The following NXPH1 variants were observed in gnomAD, a reference collection of about 807,000 sequenced individuals.
NXPH1 encodes neurexophilin 1.
In NXPH1, 5 loss-of-function variants were observed where a neutral mutation model predicts 23.7. The ratio of observed to expected loss-of-function variants is 0.21; its 90% confidence interval spans 0.11 to 0.44. The LOEUF (loss-of-function observed/expected upper bound fraction) is 0.44. NXPH1 is among the 20% of genes least tolerant of loss of function. The probability of loss-of-function intolerance (pLI) is 0.99; values close to 1 mark genes in which losing one functional copy is unlikely to be tolerated. For synonymous variants in NXPH1, 144 were observed against 122.2 expected, an observed-to-expected ratio of 1.18 and a Z score of -1.18; for missense variants, 324 against 321.6, an observed-to-expected ratio of 1.01 and a Z score of -0.06.
At chr7:8,482,953 A>G (rs1242939068) in intron 2 of NXPH1, among the ~76,000 whole-genome samples, 1 of 152,230 alleles carries the variant, frequency 6.6e-6, no homozygotes, top group African/African-American at 2.4e-5. Flanking sequence ...TAAACGAAAT[A>G]TCTTCTCTAA....
chr7:8,568,328 T>C (rs1378000265), intron 2 of NXPH1, among the ~76,000 whole-genome samples: 3 of 151,958 alleles, frequency 2.0e-5, no homozygotes, highest in African/African-American at 4.8e-5. Flanking sequence ...GTATTTTCTT[T>C]AGCTACATTC....
At chr7:8,617,475 T>A (rs911014222) in intron 2 of NXPH1, among the ~76,000 whole-genome samples, 7 of 151,914 alleles carry the variant, frequency 4.6e-5, no homozygotes, top group African/African-American at 1.7e-4. Flanking sequence ...TATTCAGCCA[T>A]AAAAAAGAAG....
intron 2 of NXPH1, among the ~76,000 whole-genome samples, chr7:8,542,523 G>T (rs1425037746): frequency 1.3e-5 from 2 of 151,596 alleles, no homozygotes; most frequent in African/African-American, 4.8e-5. Flanking sequence ...AGAATATACA[G>T]TGTTTTCAAA....
At position 8,516,233 on chromosome 7, in the gene NXPH1, T is replaced by C. The variant is rs568200612; in HGVS notation, c.54+80466T>C. Among the ~76,000 whole-genome samples, 13 of 152,246 alleles carry C rather than the reference T, an allele frequency of 8.5e-5. No homozygotes were observed. In the East Asian group the frequency reaches 2.5e-3, roughly 30 times the overall value. On this transcript the variant is annotated intron_variant, in intron 2 of 2. Transcript: ENST00000405863. ...ATTACTCATCAGTTGGATCGTCTAC[T>C]ATATCTCTTTCCTCCCGCCTCCGCA... is the stretch of plus-strand genomic sequence containing the variant.
chr7:8,641,863 T>C (rs1431602910), intron 2 of NXPH1, among the ~76,000 whole-genome samples: 2 of 152,244 alleles, frequency 1.3e-5, no homozygotes, highest in Non-Finnish European at 2.9e-5. Context: ...AGCTTAGTTT[T>C]CTGTGAATAT....
intron 2 of NXPH1, among the ~76,000 whole-genome samples, chr7:8,748,204 A>C (rs1780504172): frequency 6.6e-6 from 1 of 152,188 alleles, no homozygotes; most frequent in Non-Finnish European, 1.5e-5. Context: ...TGCTGTTATT[A>C]GTCATTTCTA....
chr7:8,568,383 A>G (rs927946358), intron 2 of NXPH1, among the ~76,000 whole-genome samples: 2 of 151,910 alleles, frequency 1.3e-5, no homozygotes, highest in African/African-American at 4.8e-5. Flanking sequence ...GCTTTCTGCA[A>G]ATATTTTAAA....
chr7:8,735,868 G>C (rs1013920335), intron 2 of NXPH1, among the ~76,000 whole-genome samples: 7 of 152,098 alleles, frequency 4.6e-5, no homozygotes, highest in Admixed American at 4.6e-4. Context: ...TCTTGGGAGG[G>C]TGTATGTGTC....
chr7:8,674,436 A>C (rs1438102288), intron 2 of NXPH1, among the ~76,000 whole-genome samples: 1 of 152,110 alleles, frequency 6.6e-6, no homozygotes, highest in African/African-American at 2.4e-5. Flanking sequence ...GCTATATTTT[A>C]TGTTCAGAAA....
At chr7:8,623,937 C>T (rs989764294) in intron 2 of NXPH1, among the ~76,000 whole-genome samples, 6 of 152,016 alleles carry the variant, frequency 3.9e-5, no homozygotes, top group African/African-American at 1.5e-4. Flanking sequence ...GTATATGTGA[C>T]ATAATGTTAA....
chr7:8,470,708 A>G (rs1184483480), intron 2 of NXPH1, among the ~76,000 whole-genome samples: 2 of 152,164 alleles, frequency 1.3e-5, no homozygotes, highest in Admixed American at 1.3e-4. Context: ...TTACATATGT[A>G]TTAGTATGAT....
At chr7:8,632,527 C>T (rs1459793725) in intron 2 of NXPH1, among the ~76,000 whole-genome samples, 1 of 152,132 alleles carries the variant, frequency 6.6e-6, no homozygotes, top group African/African-American at 2.4e-5. Flanking sequence ...ATTTTTCTCA[C>T]TTATATGCTT....
At chr7:8,530,314 A>G (rs1298263604) in intron 2 of NXPH1, among the ~76,000 whole-genome samples, 2 of 152,310 alleles carry the variant, frequency 1.3e-5, no homozygotes, top group East Asian at 3.9e-4. Flanking sequence ...TCCAATATTG[A>G]GACCTAAAAA....
intron 2 of NXPH1, among the ~76,000 whole-genome samples, chr7:8,717,961 C>T (rs1182470135): frequency 6.7e-6 from 1 of 150,308 alleles, no homozygotes; most frequent in Non-Finnish European, 1.5e-5. Context: ...AGACACAGAG[C>T]CCCTATATAC....
chr7:8,693,656 C>T (rs934111421), intron 2 of NXPH1, among the ~76,000 whole-genome samples: 1 of 152,140 alleles, frequency 6.6e-6, no homozygotes, highest in African/African-American at 2.4e-5. Flanking sequence ...CCAGAAAAGG[C>T]AATCAATAAA....
chr7:8,730,543 C>A (rs1780133658), intron 2 of NXPH1, among the ~76,000 whole-genome samples: 1 of 151,784 alleles, frequency 6.6e-6, no homozygotes, highest in East Asian at 1.9e-4. Context: ...CTGGTGGTGA[C>A]AAAATCTCTC....
At chr7:8,671,861 A>AT (rs1322072323) in intron 2 of NXPH1, among the ~76,000 whole-genome samples, 2 of 152,108 alleles carry the variant, frequency 1.3e-5, no homozygotes, top group Non-Finnish European at 2.9e-5. Context: ...GATGATGAGC[A>AT]TTTTTTCATG....
intron 2 of NXPH1, among the ~76,000 whole-genome samples, chr7:8,520,972 T>C (rs956614646): frequency 6.6e-6 from 1 of 152,176 alleles, no homozygotes; most frequent in African/African-American, 2.4e-5. Flanking sequence ...CAAATTCATT[T>C]GTCTTGTAAG....
chr7:8,462,690 T>C (rs931483954), intron 2 of NXPH1, among the ~76,000 whole-genome samples: 1 of 152,240 alleles, frequency 6.6e-6, no homozygotes, highest in Admixed American at 6.5e-5. Context: ...CCACAATGTA[T>C]AGATATCTCA....
Sources: gnomAD v4.1 joint callset for allele counts (sites outside exome capture counted in the v4.1 genomes callset) on GRCh38, gnomAD v4.1.1 for gene constraint, MANE v1.5 for transcripts, NCBI Gene and HGNC (gene_info 2026-07-23, HGNC 2026-07-21) for gene names.